PCDH15: variants seen among roughly 807,000 people sequenced by gnomAD.
PCDH15 encodes the protein protocadherin related 15, also known as protocadherin-15.
A neutral mutation model predicts 178.5 loss-of-function variants in PCDH15; 129 were observed. That is an observed-to-expected ratio of 0.72 (90% CI 0.63 to 0.84). The LOEUF (loss-of-function observed/expected upper bound fraction) is 0.84. PCDH15 is among the 40% of genes least tolerant of loss of function. The pLI, the probability that PCDH15 is intolerant of heterozygous loss-of-function variation, is 0.00. For missense variants in PCDH15, 2,230 were observed against 2,099.9 expected (o/e 1.06, Z -1.21); for synonymous variants, 800 against 732.0 (o/e 1.09, Z -1.50).
intron 3 of PCDH15, among the ~76,000 whole-genome samples, chr10:54,465,165 C>T (rs1438113184): frequency 6.6e-6 from 1 of 151,946 alleles, no homozygotes; most frequent in African/African-American, 2.4e-5. Context: ...TTACAGGGGA[C>T]ATGTGATTTT....
intron 20 of PCDH15, among the ~76,000 whole-genome samples, chr10:54,016,004 G>T (rs539842040): frequency 6.6e-6 from 1 of 152,128 alleles, no homozygotes; most frequent in Admixed American, 6.5e-5. Context: ...GGGTGAAAAT[G>T]CTTACAAACT....
At chr10:55,147,698 C>T (rs2799600) in intron 2 of PCDH15, among the ~76,000 whole-genome samples, 129,509 of 149,836 alleles carry the variant, frequency 0.86, 56,926 homozygotes, top group Middle Eastern at 0.96. Context: ...TTTTAGGGTA[C>T]ATGTGCACAA....
chr10:54,015,574 T>C (rs779742995), intron 20 of PCDH15, among the ~76,000 whole-genome samples: 3 of 152,086 alleles, frequency 2.0e-5, no homozygotes, highest in Non-Finnish European at 4.4e-5. Flanking sequence ...TGGAACAGAA[T>C]AGAGATCCCA....
chr10:54,540,744 A>G (rs911693390), intron 2 of PCDH15, among the ~76,000 whole-genome samples: 1 of 152,138 alleles, frequency 6.6e-6, no homozygotes, highest in African/African-American at 2.4e-5. Flanking sequence ...ATGAACATAG[A>G]TGCAAAAATC....
chr10:54,482,338 T>C (rs1401664916), intron 3 of PCDH15, among the ~76,000 whole-genome samples: 2 of 151,804 alleles, frequency 1.3e-5, no homozygotes, highest in Non-Finnish European at 2.9e-5. Context: ...GACAAGAACA[T>C]CATATGAACA....
intron 3 of PCDH15, among the ~76,000 whole-genome samples, chr10:54,503,162 G>A (rs2080855765): frequency 6.7e-6 from 1 of 149,300 alleles, no homozygotes; most frequent in South Asian, 2.1e-4. Flanking sequence ...AGACATTGAT[G>A]GTTTCTGAAC....
chr10:53,937,172 T>G (rs2134036814), intron 25 of PCDH15, among the ~76,000 whole-genome samples: 1 of 152,310 alleles, frequency 6.6e-6, no homozygotes, highest in South Asian at 2.1e-4. Flanking sequence ...GCCTCAGATT[T>G]ACATGTAAAT....
intron 3 of PCDH15, among the ~76,000 whole-genome samples, chr10:54,477,906 T>C (rs1331442558): frequency 6.6e-6 from 1 of 152,186 alleles, no homozygotes; most frequent in Admixed American, 6.6e-5. Flanking sequence ...ATTTTTCTTT[T>C]TAAAATGAAA....
rs369153684 is a variant in PCDH15, at chr10:54,195,669, T to C, written c.1305+14A>G. The C allele has an allele frequency of 5.6e-6, 9 of 1,599,746 alleles. No individual in the cohort carries two copies. In the African/African-American group the frequency reaches 8.1e-5, roughly 14 times the overall value. ...TTGTTACACAAACAAGAGCAAAATATGTATTTAACTTACATCTTCTATGTC... is the reference window on the plus strand; with the variant it reads ...TTGTTACACAAACAAGAGCAAAATACGTATTTAACTTACATCTTCTATGTC... On this transcript the variant is annotated intron_variant, in intron 11 of 37. Transcript: ENST00000644397.
intron 1 of PCDH15, among the ~76,000 whole-genome samples, chr10:55,312,369 A>C (rs1486244570): frequency 6.6e-6 from 1 of 152,162 alleles, no homozygotes; most frequent in Non-Finnish European, 1.5e-5. Flanking sequence ...TGCATTGCCT[A>C]AGAGATTCTA....
chr10:54,999,679 C>T (rs1378911139), intron 2 of PCDH15, among the ~76,000 whole-genome samples: 1 of 152,130 alleles, frequency 6.6e-6, no homozygotes, highest in Admixed American at 6.5e-5. Flanking sequence ...GGGCAGGACG[C>T]CACAGTACTG....
At chr10:54,550,491 T>C (rs1043005338) in intron 2 of PCDH15, among the ~76,000 whole-genome samples, 1 of 91,868 alleles carries the variant, frequency 1.1e-5, no homozygotes, top group African/African-American at 6.7e-5. Flanking sequence ...TATGTGTCTG[T>C]GTGTGTGTGT....
chr10:53,991,592 A>G (rs199854370), intron 21 of PCDH15, among the ~76,000 whole-genome samples: 2 of 151,606 alleles, frequency 1.3e-5, no homozygotes, highest in East Asian at 3.9e-4. Flanking sequence ...GTGTCTAGCT[A>G]AAGGACTGTA....
chr10:55,357,175 T>C (rs1349421082), intron 2 of PCDH15, among the ~76,000 whole-genome samples: 1 of 151,972 alleles, frequency 6.6e-6, no homozygotes, highest in Non-Finnish European at 1.5e-5. Context: ...TTAATACTTT[T>C]TGAAAAATGA....
chr10:54,346,320 T>G (rs1588951016), intron 6 of PCDH15, 45 bp downstream of exon 6: 2 of 1,584,786 alleles, frequency 1.3e-6, no homozygotes. Flanking sequence ...ATCATTAATT[T>G]TATTCCTTTT....
chr10:54,502,249 A>G (rs1351823654), intron 3 of PCDH15, among the ~76,000 whole-genome samples: 3 of 152,128 alleles, frequency 2.0e-5, no homozygotes, highest in African/African-American at 2.4e-5. Context: ...ATATATATTC[A>G]TATACAAAAA....
intron 1 of PCDH15, among the ~76,000 whole-genome samples, chr10:55,312,598 T>C (rs1843613302): frequency 6.6e-6 from 1 of 151,834 alleles, no homozygotes; most frequent in South Asian, 2.1e-4. Context: ...TTATCATAGA[T>C]GTTGACTGCT....
At chr10:55,238,720 T>C (rs1841461581) in intron 1 of PCDH15, among the ~76,000 whole-genome samples, 1 of 152,000 alleles carries the variant, frequency 6.6e-6, no homozygotes, top group African/African-American at 2.4e-5. Flanking sequence ...TTAATTTATA[T>C]ATATTTTTAA....
intron 1 of PCDH15, among the ~76,000 whole-genome samples, chr10:54,768,652 T>TA (rs1184904470): frequency 1.3e-5 from 2 of 152,178 alleles, no homozygotes; most frequent in Non-Finnish European, 2.9e-5. Context: ...ATCTGACTCT[T>TA]ACAGCAAATT....
Sources: allele counts gnomAD v4.1 joint callset (sites outside exome capture counted in the v4.1 genomes callset), GRCh38; gene constraint gnomAD v4.1.1; transcripts MANE v1.5; gene names NCBI Gene and HGNC (gene_info 2026-07-23, HGNC 2026-07-21).